The following RASGRF2 variants were observed in gnomAD, a reference collection of about 807,000 sequenced individuals.
RASGRF2 encodes the protein ras-specific guanine nucleotide-releasing factor 2.
Under a neutral mutation model 151.0 loss-of-function variants are expected in RASGRF2, and 76 were observed. The ratio of observed to expected loss-of-function variants is 0.50; its 90% CI spans 0.42 to 0.61. The LOEUF is 0.61. RASGRF2 is among the 20% of genes least tolerant of loss of function. The pLI, the probability that RASGRF2 is intolerant of heterozygous loss-of-function variation, is 0.00. For synonymous variants in RASGRF2, 504 were observed against 566.5 expected (o/e 0.89, Z 1.57); for missense variants, 1,148 against 1,564.6 (o/e 0.73, Z 4.49).
chr5:81,214,934 G>A (rs537567254), intron 23 of RASGRF2, among the ~76,000 whole-genome samples: 1 of 152,342 alleles, frequency 6.6e-6, no homozygotes, highest in African/African-American at 2.4e-5. Flanking sequence ...CTGTAGTAGA[G>A]GACATTGCTT....
chr5:81,064,374 C>A (rs1751533038), intron 2 of RASGRF2, among the ~76,000 whole-genome samples: 1 of 152,184 alleles, frequency 6.6e-6, no homozygotes, highest in Admixed American at 6.5e-5. Flanking sequence ...AAGCCAGAGT[C>A]TTATAAACCG....
At chr5:81,044,953 A>T (rs975552543) in intron 2 of RASGRF2, among the ~76,000 whole-genome samples, 2 of 152,014 alleles carry the variant, frequency 1.3e-5, no homozygotes, top group South Asian at 4.2e-4. Flanking sequence ...TTTCTCTGAG[A>T]TGCATGGGGC....
chr5:81,031,981 C>G (rs548318088), intron 1 of RASGRF2, among the ~76,000 whole-genome samples: 1 of 151,962 alleles, frequency 6.6e-6, no homozygotes, highest in Non-Finnish European at 1.5e-5. Flanking sequence ...ACCACCGATC[C>G]CACAGAAATA....
intron 1 of RASGRF2, among the ~76,000 whole-genome samples, chr5:81,039,454 A>G (rs941848281): frequency 6.6e-6 from 1 of 152,168 alleles, no homozygotes; most frequent in Non-Finnish European, 1.5e-5. Context: ...AAAGTGTAGC[A>G]GGTCTAAACT....
chr5:81,080,220 G>C lies in RASGRF2; in HGVS notation c.967+20G>C. ...TTTTAGGTAAGTGCATTCTTTAAAG[G>C]TGTAAGATTTTCTTTTAGAGTGGCT... On this transcript the variant is annotated intron_variant, in intron 6 of 26. Transcript: ENST00000265080. 1 of 1,584,952 alleles carries C rather than the reference G, an allele frequency of 6.3e-7. No homozygotes were observed. Among genetic ancestry groups the C allele is most frequent in the Non-Finnish European group, 8.5e-7 (1 of 1,173,294 alleles).
At chr5:81,114,918 A>G (rs537474530) in intron 15 of RASGRF2, 14 of 152,314 alleles carry the variant, frequency 9.2e-5, no homozygotes, top group East Asian at 5.8e-4. Context: ...CCTCTCTCCC[A>G]TCATTTTAGC....
At chr5:81,028,779 C>G (rs534109584) in intron 1 of RASGRF2, among the ~76,000 whole-genome samples, 2 of 152,194 alleles carry the variant, frequency 1.3e-5, no homozygotes, top group Non-Finnish European at 2.9e-5. Flanking sequence ...ACTGAGGTAC[C>G]AGGTTCATCT....
chr5:81,158,282 TG>T (rs2112633370), intron 17 of RASGRF2, among the ~76,000 whole-genome samples: 1 of 152,264 alleles, frequency 6.6e-6, no homozygotes. Flanking sequence ...GGGACAGTGG[TG>T]GTAGGGAAAT....
chr5:81,066,657 G>A (rs548230200), intron 2 of RASGRF2, among the ~76,000 whole-genome samples: 2 of 152,212 alleles, frequency 1.3e-5, no homozygotes, highest in Middle Eastern at 3.4e-3. Flanking sequence ...TTTCTCTCCC[G>A]TCGGACTCAC....
chr5:81,034,811 G>GGC (rs1478017271), intron 1 of RASGRF2, among the ~76,000 whole-genome samples: 1 of 131,528 alleles, frequency 7.6e-6, no homozygotes, highest in Non-Finnish European at 1.6e-5. Flanking sequence ...GGGTGGGAGG[G>GGC]GGGTAGGGAT....
chr5:81,105,916 C>G (rs1561207920), intron 12 of RASGRF2, among the ~76,000 whole-genome samples: 2 of 152,232 alleles, frequency 1.3e-5, no homozygotes, highest in African/African-American at 4.8e-5. Flanking sequence ...CATCTTCAAA[C>G]TCTTTCATAT....
intron 1 of RASGRF2, among the ~76,000 whole-genome samples, chr5:80,970,752 C>T (rs1221934054): frequency 6.6e-6 from 1 of 152,190 alleles, no homozygotes; most frequent in Non-Finnish European, 1.5e-5. Flanking sequence ...TGCGAAACAG[C>T]AGGGGCTATG....
At chr5:81,160,751 G>A (rs1754365926) in intron 17 of RASGRF2, among the ~76,000 whole-genome samples, 1 of 151,182 alleles carries the variant, frequency 6.6e-6, no homozygotes, top group Non-Finnish European at 1.5e-5. Context: ...TGTGCCTGTA[G>A]TCCCAACTAC....
intron 1 of RASGRF2, among the ~76,000 whole-genome samples, chr5:80,964,766 A>C (rs1334127493): frequency 1.3e-5 from 2 of 152,146 alleles, no homozygotes; most frequent in African/African-American, 4.8e-5. Context: ...TCAAAGAAAA[A>C]CGGGATTTAT....
chr5:81,055,441 G>T (rs993452396), intron 2 of RASGRF2, among the ~76,000 whole-genome samples: 2 of 151,956 alleles, frequency 1.3e-5, no homozygotes, highest in African/African-American at 4.8e-5. Context: ...ATTGATTTTG[G>T]GTATGTTGAA....
Position 81,070,616 on chromosome 5 carries a change from T to C in RASGRF2, c.633+35T>C, listed in dbSNP as rs374131125. 7.9e-6 allele frequency: 12 copies of C among 1,526,866 alleles called. No individual in the cohort carries two copies. The African/African-American group carries it at 1.2e-4, about 16-fold the overall frequency. 94.6% of individuals were successfully genotyped at this position (1,526,866 alleles called of 1,614,324 possible). ...GGAGGTTTCCAGCTTTGTAGGAGCA[T>C]GGTGACCAGTCGTCTGTTCTATGGT... On this transcript the variant is annotated intron_variant, in intron 4 of 26. Coordinates refer to ENST00000265080, the MANE Select transcript of RASGRF2 (RefSeq NM_006909.3).
At chr5:81,215,997 T>C in intron 24 of RASGRF2, 42 bp downstream of exon 24, 1 of 1,430,460 alleles carries the variant, frequency 7.0e-7, no homozygotes, top group Non-Finnish European at 9.1e-7. Flanking sequence ...AATTCAGAAA[T>C]ATATTTACAT....
At position 81,164,198 on chromosome 5, in the gene RASGRF2, C is replaced by G. The variant is rs937054373; in HGVS notation, c.2687-15977C>G. ...TTCCTAGGCCATTTAACCCAGAGGTCTTCTACCTCTGAAGAGTAAGACAGA... is the reference window on the plus strand; with the variant it reads ...TTCCTAGGCCATTTAACCCAGAGGTGTTCTACCTCTGAAGAGTAAGACAGA... On this transcript the variant is annotated intron_variant, in intron 17 of 26. Transcript: ENST00000265080. 2.6e-5 allele frequency among the ~76,000 whole-genome samples: 4 copies of G among 152,088 alleles called. No homozygotes were observed. In the South Asian group the frequency reaches 8.3e-4, roughly 32 times the overall value.
intron 17 of RASGRF2, among the ~76,000 whole-genome samples, chr5:81,177,611 T>C (rs1754805168): frequency 6.6e-6 from 1 of 150,970 alleles, no homozygotes; most frequent in South Asian, 2.1e-4. Context: ...AAGATCATAC[T>C]AGATCCCTGT....
Sources: allele counts gnomAD v4.1 joint callset (sites outside exome capture counted in the v4.1 genomes callset), GRCh38; gene constraint gnomAD v4.1.1; transcripts MANE v1.5; gene names NCBI Gene and HGNC (gene_info 2026-07-23, HGNC 2026-07-21).